CIB3: variants seen among roughly 807,000 people sequenced by gnomAD.
The protein encoded by CIB3 is calcium and integrin-binding family member 3.
Under a neutral mutation model 23.4 loss-of-function variants are expected in CIB3, and 22 were observed. The observed-to-expected ratio is 0.94, with a 90% CI of 0.67 to 1.34. CIB3 has a LOEUF of 1.34. Among genes scored for constraint, CIB3 ranks in the 40% most tolerant of loss-of-function variants. CIB3 has a pLI of 0.00. For missense variants in CIB3, 258 were observed against 247.3 expected (o/e 1.04, Z -0.29); for synonymous variants, 93 against 95.8 (o/e 0.97, Z 0.17).
intron 2 of CIB3, among the ~76,000 whole-genome samples, chr19:16,169,991 G>A (rs1344041323): frequency 5.3e-5 from 8 of 152,114 alleles, no homozygotes; most frequent in African/African-American, 1.7e-4. Flanking sequence ...TAGTAGCGAC[G>A]GGGTTTCATG....
chr19:16,169,682 C>T lies in CIB3; in HGVS notation c.146G>A (p.Cys49Tyr). Residue 49 changes from cysteine (C) to tyrosine (Y), a missense_variant, in exon 3 of 6, where the codon TGC (cysteine) becomes TAC (tyrosine). Coordinates refer to ENST00000269878, the MANE Select transcript of CIB3 (RefSeq NM_054113.4). ...PQLVPLDYTT[C>Y]PDVKVPYELI... ...CTCGTAGGGCACCTTCACATCGGGG[C>T]AGGTGGTATAGTCGAGGGGCACGAG... is the stretch of plus-strand genomic sequence containing the variant. The T allele has an allele frequency of 1.2e-6, 2 of 1,613,804 alleles. No homozygotes were observed. Among genetic ancestry groups the T allele is most frequent in the Non-Finnish European group, 1.7e-6 (2 of 1,179,798 alleles).
intron 2 of CIB3, among the ~76,000 whole-genome samples, chr19:16,171,115 G>A (rs1293689101): frequency 6.6e-6 from 1 of 151,080 alleles, no homozygotes; most frequent in Non-Finnish European, 1.5e-5. Context: ...TCCAGCCTGG[G>A]CAACAGAATG....
In CIB3 at chr19:16,168,049, G is replaced by A. The variant is rs923216889; in HGVS notation, c.346+88C>T. 20 of 1,496,698 alleles carry A rather than the reference G, an allele frequency of 1.3e-5. No individual in the cohort carries two copies. In the African/African-American group the frequency reaches 2.5e-4, roughly 19 times the overall value. The allele number at this position is 1,496,698 out of a possible 1,614,324, so 92.7% of individuals were successfully genotyped here. On this transcript the variant is annotated intron_variant, in intron 4 of 5. Coordinates refer to ENST00000269878, the MANE Select transcript of CIB3 (RefSeq NM_054113.4). ...CCACATAGGGCCTCAAAACCCCTGG[G>A]GAGATATTTGTGATGTGGGTGCCAC...
At chr19:16,171,927 T>C (rs1183559725) in intron 2 of CIB3, among the ~76,000 whole-genome samples, 1 of 152,254 alleles carries the variant, frequency 6.6e-6, no homozygotes, top group Non-Finnish European at 1.5e-5. Context: ...TTGGGTTTCA[T>C]AGCTCCAAGT....
Position 16,173,431 on chromosome 19 carries a change from C to T in CIB3, c.45G>A (p.Ala15=), listed in dbSNP as rs745406357. 49 of 1,613,762 alleles carry T rather than the reference C, an allele frequency of 3.0e-5. No homozygotes were observed. The highest frequency in any genetic ancestry group is 3.3e-4 in the Middle Eastern group (2 of 6,084). The change falls in exon 1 of 6, where the codon GCG becomes GCA. Residue 15 remains alanine (A), a synonymous_variant. Transcript: ENST00000269878. ...CCATCCTGCCCCCCTCTACCTGATA[C>T]GCTTCCAGCTGCTCGTGTGTGAAGA... ...QTVFTHEQLE[A]YQDCTFFTRK... is the part of the protein sequence containing the mutation.
chr19:16,169,812 T>G, intron 2 of CIB3, 71 bp from the exon 3 acceptor site: 1 of 1,357,118 alleles, frequency 7.4e-7, no homozygotes, highest in Non-Finnish European at 9.9e-7. Context: ...CCCTTCTTTG[T>G]TTTTTGAGAC....
At chr19:16,169,064 AAC>A (rs1176879264) in intron 3 of CIB3, among the ~76,000 whole-genome samples, 1 of 152,108 alleles carries the variant, frequency 6.6e-6, no homozygotes, top group Non-Finnish European at 1.5e-5. Context: ...CTTGACACAC[AAC>A]ACACCCTGTA....
At chr19:16,168,374 GGAA>G (rs1412629513) in intron 3 of CIB3, 90 bp from the exon 4 acceptor site, 11 of 1,530,860 alleles carry the variant, frequency 7.2e-6, no homozygotes, top group Non-Finnish European at 8.8e-6. Flanking sequence ...CCACCTTCTG[GGAA>G]CCTCCAAGTA....
At chr19:16,170,416 C>A (rs1043765328) in intron 2 of CIB3, among the ~76,000 whole-genome samples, 1 of 152,176 alleles carries the variant, frequency 6.6e-6, no homozygotes, top group Non-Finnish European at 1.5e-5. Flanking sequence ...TCACAGCAAG[C>A]ATTCAGAGAA....
chr19:16,167,270 A>G (rs1299826636), intron 4 of CIB3, among the ~76,000 whole-genome samples: 3 of 152,240 alleles, frequency 2.0e-5, no homozygotes, highest in South Asian at 2.1e-4. Flanking sequence ...TTGAGTGCAC[A>G]CAAGGTGCCA....
intron 4 of CIB3, among the ~76,000 whole-genome samples, chr19:16,167,241 C>CAA (rs964915186): frequency 2.6e-5 from 4 of 151,628 alleles, no homozygotes; most frequent in African/African-American, 7.3e-5. Flanking sequence ...AACACACACA[C>CAA]AAAAAAAACA....
Position 16,168,424 on chromosome 19 carries a change from G to A in CIB3, c.199-140C>T, listed in dbSNP as rs1267940156. Reference sequence around the variant, plus strand: ...GACCCACTCCCTCCCATGGTCCCTGGACAGGACTTTGGACAACTCCACCCT... The same window carrying A: ...GACCCACTCCCTCCCATGGTCCCTGAACAGGACTTTGGACAACTCCACCCT... On this transcript the variant is annotated intron_variant, in intron 3 of 5. Coordinates refer to ENST00000269878, the MANE Select transcript of CIB3 (RefSeq NM_054113.4). The A allele has an allele frequency of 4.0e-6, 5 of 1,265,774 alleles. No homozygotes were observed. The African/African-American group carries it at 7.6e-5, about 19-fold the overall frequency. 78.4% of individuals were successfully genotyped at this position (1,265,774 alleles called of 1,614,324 possible). A position where few individuals can be genotyped will look rare whatever the true frequency, so the allele number is the denominator to read the frequency against.
intron 3 of CIB3, 107 bp from the exon 4 acceptor site, chr19:16,168,391 T>C: frequency 6.9e-7 from 1 of 1,444,312 alleles, no homozygotes; most frequent in Non-Finnish European, 9.3e-7. Flanking sequence ...CCAAGTACCC[T>C]CCATCAAGAC....
chr19:16,163,513 C>A (rs1037043623), intron 5 of CIB3, among the ~76,000 whole-genome samples: 7 of 152,192 alleles, frequency 4.6e-5, no homozygotes, highest in East Asian at 3.9e-4. Context: ...TGAGATTGCA[C>A]CACTGCACTC....
At chr19:16,162,243 CAAAAAAAAA>C (rs79329568) in intron 5 of CIB3, among the ~76,000 whole-genome samples, 1 of 52,490 alleles carries the variant, frequency 1.9e-5, no homozygotes, top group Non-Finnish European at 3.9e-5. Context: ...CTTGTCTCCA[CAAAAAAAAA>C]AAAAAAAAAA....
intron 4 of CIB3, 27 bp downstream of exon 4, chr19:16,168,110 T>G: frequency 1.4e-6 from 2 of 1,477,034 alleles, no homozygotes; most frequent in Non-Finnish European, 9.2e-7. Context: ...ATCCCCATGC[T>G]TCCCAACCCC....
chr19:16,165,503 G>T (rs1215160930), intron 4 of CIB3, among the ~76,000 whole-genome samples: 1 of 151,546 alleles, frequency 6.6e-6, no homozygotes, highest in Non-Finnish European at 1.5e-5. Context: ...GAGTGCAGTG[G>T]CACGATCTCG....
Position 16,168,226 on chromosome 19 carries a change from A to G in CIB3, c.257T>C (p.Met86Thr). Residue 86 changes from methionine to threonine, a missense_variant, in exon 4 of 6, where the codon ATG (methionine) becomes ACG (threonine). By Grantham distance (81) the Met-to-Thr change is moderately conservative. Transcript: ENST00000269878. Reference protein sequence around the residue: ...QVFSEDGDGHMTLDNFLDMFS... With the variant: ...QVFSEDGDGHTTLDNFLDMFS... ...CATGTCCAAAAAGTTGTCCAGGGTCATGTGGCCATCCCCATCCTCAGAGAA... is the reference window on the plus strand; with the variant it reads ...CATGTCCAAAAAGTTGTCCAGGGTCGTGTGGCCATCCCCATCCTCAGAGAA... The G allele has an allele frequency of 1.2e-6, 2 of 1,613,698 alleles. No homozygotes were observed. Among genetic ancestry groups the G allele is most frequent in the Non-Finnish European group, 1.7e-6 (2 of 1,179,894 alleles).
chr19:16,164,127 T>C (rs1419546328), intron 5 of CIB3, among the ~76,000 whole-genome samples: 6 of 152,002 alleles, frequency 3.9e-5, no homozygotes, highest in Admixed American at 2.6e-4. Flanking sequence ...TGCACCACCA[T>C]ACCTGGCTAT....
Sources: gnomAD v4.1 joint callset for allele counts (sites outside exome capture counted in the v4.1 genomes callset) on GRCh38, gnomAD v4.1.1 for gene constraint, MANE v1.5 for transcripts, NCBI Gene and HGNC (gene_info 2026-07-23, HGNC 2026-07-21) for gene names.